Variants in PHF8 observed in about 807,000 individuals in gnomAD.
PHF8 encodes histone lysine demethylase PHF8.
A neutral mutation model predicts 74.4 loss-of-function variants in PHF8; 9 were observed. That is an observed-to-expected ratio of 0.12 (90% CI 0.07 to 0.21). PHF8 has a LOEUF of 0.21. Among genes scored for constraint, PHF8 ranks in the 10% least tolerant of loss-of-function variants. The pLI is 1.00. For missense variants in PHF8, 478 were observed against 816.6 expected (o/e 0.59, Z 5.05); for synonymous variants, 311 against 316.6 (o/e 0.98, Z 0.19).
Position 54,044,003 on chromosome X carries a change from A to C in PHF8, c.-334T>G, listed in dbSNP as rs1294082572. ...ACGGCGACGCGCGTCGAATTCTGGG[A>C]TAGTCCCCGTACCGCCGGGAACCTC... On this transcript the variant is annotated 5_prime_UTR_variant, in exon 1 of 22. Transcript: ENST00000338154. 1 of 753,999 alleles carries C rather than the reference A, an allele frequency of 1.3e-6. No individual in the cohort carries two copies. Among genetic ancestry groups the C allele is most frequent in the Non-Finnish European group, 1.6e-6 (1 of 639,168 alleles). The allele number at this position is 753,999 out of a possible 1,213,427, so 62.1% of individuals were successfully genotyped here.
intron 4 of PHF8, among the ~76,000 whole-genome samples, chrX:54,020,711 G>A (rs1182169534): frequency 9.1e-6 from 1 of 110,391 alleles, no homozygotes; most frequent in African/African-American, 3.3e-5. Context: ...AATAAAACAA[G>A]AAACATTAAG....
intron 2 of PHF8, among the ~76,000 whole-genome samples, chrX:54,034,424 C>T (rs2066414353): frequency 9.0e-6 from 1 of 111,227 alleles, no homozygotes; most frequent in Admixed American, 9.6e-5. Flanking sequence ...AACTAGAAAC[C>T]CAGAGTTCGA....
At position 53,988,081 on chromosome X, in the gene PHF8, G is replaced by T. The variant is rs928130348; in HGVS notation, c.1731-137C>A. 33 of 536,310 alleles carry T rather than the reference G, an allele frequency of 6.2e-5. 1 individual carries two copies. Among genetic ancestry groups the T allele is most frequent in the Non-Finnish European group, 9.5e-5 (30 of 316,076 alleles). The allele number at this position is 536,310 out of a possible 1,213,427, so 44.2% of individuals were successfully genotyped here. A position where few individuals can be genotyped will look rare whatever the true frequency, so the allele number is the denominator to read the frequency against. On this transcript the variant is annotated intron_variant, in intron 14 of 21. Transcript: ENST00000338154. ...CAGCCAGCTTTTTAAATAAAAAGCTGATAGTAAAACGTACATGGACATAGA... is the reference window on the plus strand; with the variant it reads ...CAGCCAGCTTTTTAAATAAAAAGCTTATAGTAAAACGTACATGGACATAGA...
chrX:54,032,556 C>G (rs147585238), intron 2 of PHF8, among the ~76,000 whole-genome samples: 2 of 110,935 alleles, frequency 1.8e-5, no homozygotes, highest in East Asian at 5.7e-4. Context: ...CTGTAATCAT[C>G]CTGTATAAAG....
Position 53,939,127 on chromosome X carries a change from T to C in PHF8, c.*31A>G. 2 of 1,202,663 alleles carry C rather than the reference T, an allele frequency of 1.7e-6. No individual in the cohort carries two copies. Among genetic ancestry groups the C allele is most frequent in the Non-Finnish European group, 2.2e-6 (2 of 890,712 alleles). Reference sequence around the variant, plus strand: ...TTGACAATGGAGAAGGCAATGGGGGTAAAGGGGTGAGGGGTGGGACACAGG... The same window carrying C: ...TTGACAATGGAGAAGGCAATGGGGGCAAAGGGGTGAGGGGTGGGACACAGG... On this transcript the variant is annotated 3_prime_UTR_variant, in exon 22 of 22. Transcript: ENST00000338154.
rs146510445 is a variant in PHF8 at position 53,944,395 on chromosome X, A to G, written c.2540-152T>C. 8 of 455,704 alleles carry G rather than the reference A, an allele frequency of 1.8e-5. No homozygotes were observed. The African/African-American group carries it at 1.9e-4, about 11-fold the overall frequency. 37.6% of individuals were successfully genotyped at this position (455,704 alleles called of 1,213,427 possible). On this transcript the variant is annotated intron_variant, in intron 19 of 21. Coordinates refer to ENST00000338154, the MANE Select transcript of PHF8 (RefSeq NM_015107.3). ...AGATTTTGCTTGCCATCACATAAGA[A>G]CCTAATTCACCAATGCTCAAAGCAC...
At chrX:53,967,288 G>A (rs1193143020) in intron 18 of PHF8, among the ~76,000 whole-genome samples, 19 of 102,234 alleles carry the variant, frequency 1.9e-4, no homozygotes, top group Non-Finnish European at 3.0e-4. Flanking sequence ...CCCCCTGCCC[G>A]GCCAGCCGCC....
At position 54,015,755 on chromosome X, in the gene PHF8, A is replaced by G. The variant is rs1455175645; in HGVS notation, c.596+840T>C. On this transcript the variant is annotated intron_variant, in intron 6 of 21. Coordinates refer to ENST00000338154, the MANE Select transcript of PHF8 (RefSeq NM_015107.3). ...TAAAAATGTAAATAATCAGACAGTA[A>G]GTTTCCTAAGGGCAAAAAGATACAT... 2.7e-5 allele frequency among the ~76,000 whole-genome samples: 3 copies of G among 110,818 alleles called. No individual in the cohort carries two copies. The Admixed American group carries it at 2.9e-4, about 11-fold the overall frequency.
intron 8 of PHF8, among the ~76,000 whole-genome samples, chrX:54,003,171 TAAC>T (rs1557104552): frequency 1.8e-5 from 2 of 112,468 alleles, no homozygotes; most frequent in African/African-American, 6.5e-5. Context: ...TTTAATAAGT[TAAC>T]AAGTACTTTT....
At chrX:54,033,935 AAAAG>A (rs1191945707) in intron 2 of PHF8, among the ~76,000 whole-genome samples, 3 of 111,488 alleles carry the variant, frequency 2.7e-5, no homozygotes, top group Non-Finnish European at 5.6e-5. Context: ...AATAAAAAAA[AAAAG>A]AAAGTGTCAA....
intron 16 of PHF8, among the ~76,000 whole-genome samples, chrX:53,986,691 T>C (rs2065571121): frequency 8.9e-6 from 1 of 111,941 alleles, no homozygotes; most frequent in Non-Finnish European, 1.9e-5. Context: ...TCCAGCACTT[T>C]GGGAGGCCAA....
chrX:53,979,202 G>A (rs1447400197), intron 18 of PHF8, among the ~76,000 whole-genome samples: 1 of 111,324 alleles, frequency 9.0e-6, no homozygotes, highest in African/African-American at 3.3e-5. Context: ...CCAATATGTT[G>A]AAGTCCTGTC....
At chrX:53,948,282 G>A (rs1209825569) in intron 19 of PHF8, among the ~76,000 whole-genome samples, 3 of 111,772 alleles carry the variant, frequency 2.7e-5, no homozygotes, top group Non-Finnish European at 3.8e-5. Context: ...GGGGAATGGC[G>A]GATGTCCTTA....
At chrX:53,943,259 G>A in intron 20 of PHF8, 1 of 953,246 alleles carries the variant, frequency 1.0e-6, no homozygotes, top group South Asian at 3.0e-5. Context: ...ATTTAAATAG[G>A]ATGTAATGAC....
chrX:54,033,552 A>C (rs908683535), intron 2 of PHF8, among the ~76,000 whole-genome samples: 1 of 111,302 alleles, frequency 9.0e-6, no homozygotes. Flanking sequence ...ATTTCTACTA[A>C]AAATACAAAA....
At chrX:54,018,606 C>T (rs782080204) in intron 4 of PHF8, among the ~76,000 whole-genome samples, 1 of 109,731 alleles carries the variant, frequency 9.1e-6, no homozygotes, top group Non-Finnish European at 1.9e-5. Context: ...TAAGCTCAAG[C>T]TCAATGCCTA....
chrX:54,036,702 T>C (rs1238209169), intron 2 of PHF8, among the ~76,000 whole-genome samples: 12 of 106,321 alleles, frequency 1.1e-4, no homozygotes, highest in African/African-American at 4.1e-4. Context: ...AGGCTTACAT[T>C]AGAAAAGAAA....
intron 11 of PHF8, 23 bp downstream of exon 11, chrX:53,999,847 G>A: frequency 9.9e-7 from 1 of 1,012,565 alleles, no homozygotes; most frequent in Non-Finnish European, 1.4e-6. Flanking sequence ...CTCCAGAGGA[G>A]GTAGAGAAAT....
intron 19 of PHF8, among the ~76,000 whole-genome samples, chrX:53,956,937 G>A (rs781970156): frequency 3.6e-5 from 4 of 111,305 alleles, no homozygotes; most frequent in African/African-American, 1.3e-4. Context: ...GGTAGAAGCC[G>A]GATGTGGTGG....
Sources: allele counts gnomAD v4.1 joint callset (sites outside exome capture counted in the v4.1 genomes callset), GRCh38; gene constraint gnomAD v4.1.1; transcripts MANE v1.5; gene names NCBI Gene and HGNC (gene_info 2026-07-23, HGNC 2026-07-21).